PRPF18: variants seen among roughly 807,000 people sequenced by gnomAD.
PRPF18 encodes the protein pre-mRNA-splicing factor 18.
PRPF18 carries 38 observed loss-of-function variants against 46.5 expected under a neutral mutation model. The observed-to-expected ratio is 0.82, with a 90% CI of 0.63 to 1.07. PRPF18 has a LOEUF of 1.07. PRPF18 is among the 50% of genes least tolerant of loss of function. The pLI is 0.00. For synonymous variants in PRPF18, 152 were observed against 146.7 expected (o/e 1.04, Z -0.26); for missense variants, 263 against 410.0 (o/e 0.64, Z 3.10).
At chr10:13,653,017 C>T in the PRPF18 span, 4 of 151,548 alleles carry the variant, frequency 2.6e-5, no homozygotes, top group African/African-American at 9.7e-5. Flanking sequence ...GGGCCAGGCA[C>T]TTAGTTCCTC....
chr10:13,623,984 G>C (rs1427646315), intron 9 of PRPF18, among the ~76,000 whole-genome samples: 1 of 152,082 alleles, frequency 6.6e-6, no homozygotes, highest in Non-Finnish European at 1.5e-5. Flanking sequence ...TCACCAATTA[G>C]ATATTTATTT....
At chr10:13,654,323 C>T in the PRPF18 span, 1 of 861,888 alleles carries the variant, frequency 1.2e-6, no homozygotes, top group Non-Finnish European at 2.0e-6. Flanking sequence ...CCCTCATCAT[C>T]CATTTACTGA....
At chr10:13,601,096 A>C (rs1267228537) in intron 3 of PRPF18, among the ~76,000 whole-genome samples, 1 of 152,182 alleles carries the variant, frequency 6.6e-6, no homozygotes, top group Non-Finnish European at 1.5e-5. Flanking sequence ...GTAATATTTA[A>C]AAAATCATTT....
Position 13,610,177 on chromosome 10 carries a change from G to C in PRPF18, c.502G>C (p.Glu168Gln), listed in dbSNP as rs372960380. ...KVHEENTTIEELEALGESLGK... is the reference protein window; with the variant it reads ...KVHEENTTIEQLEALGESLGK... ...TCATGAGGAAAACACCACAATTGAA[G>C]AGTTAGAGGTAATCTCTACACCAAG... Residue 168 changes from glutamate to glutamine, a missense_variant, in exon 5 of 10, where the codon GAG becomes CAG. Coordinates refer to ENST00000378572, the MANE Select transcript of PRPF18 (RefSeq NM_003675.4). The C allele has an allele frequency of 6.2e-7, 1 of 1,613,832 alleles. No homozygotes were observed. Among genetic ancestry groups the C allele is most frequent in the Non-Finnish European group, 8.5e-7 (1 of 1,179,824 alleles).
intron 6 of PRPF18, 75 bp downstream of exon 6, chr10:13,611,758 G>C (rs535720673): frequency 6.7e-6 from 9 of 1,348,090 alleles, no homozygotes; most frequent in East Asian, 2.3e-5. Context: ...GATTACCAAG[G>C]GTTAAAGGCT....
rs148773062 is a variant in PRPF18 at position 13,613,767 on chromosome 10, A to G, written c.606A>G (p.Glu202=). ...LKFLLGVWAK[E]LNAREDYVKR... ...TTCTTCTTGGCGTTTGGGCTAAAGA[A>G]TTGAATGCCAGAGAAGATTATGTGA... Residue 202 remains glutamate, a synonymous_variant, in exon 7 of 10, where the codon GAA becomes GAG. Transcript: ENST00000378572. The G allele has an allele frequency of 6.2e-7, 1 of 1,613,632 alleles. No homozygotes were observed. The highest frequency in any genetic ancestry group is 1.3e-5 in the African/African-American group (1 of 74,902).
At chr10:13,631,796 TGTG>T (rs1464965637), downstream of PRPF18, 2 of 152,288 alleles carry the variant, frequency 1.3e-5, no homozygotes, top group Non-Finnish European at 2.9e-5. Flanking sequence ...GGGCCGGGGA[TGTG>T]GTGGAAGCTA....
At chr10:13,654,628 G>T in the PRPF18 span, 1 of 670,828 alleles carries the variant, frequency 1.5e-6, no homozygotes, top group Non-Finnish European at 2.6e-6. Context: ...CATTTCCAGG[G>T]ATGCTGGGAA....
the PRPF18 span, chr10:13,642,467 CT>C: frequency 6.6e-6 from 1 of 152,318 alleles, no homozygotes; most frequent in South Asian, 2.1e-4. Flanking sequence ...GTTTGTAATA[CT>C]TTCTACCAGG....
At chr10:13,616,627 A>G in intron 9 of PRPF18, 74 bp downstream of exon 9, 2 of 1,555,784 alleles carry the variant, frequency 1.3e-6, no homozygotes, top group Non-Finnish European at 8.8e-7. Flanking sequence ...AAGTCTGGAA[A>G]GCAGGCAGAG....
intron 9 of PRPF18, among the ~76,000 whole-genome samples, chr10:13,625,279 C>T (rs575265837): frequency 1.3e-5 from 2 of 152,326 alleles, no homozygotes; most frequent in African/African-American, 4.8e-5. Context: ...GATCGTGCCA[C>T]TGCACTCCAG....
intron 9 of PRPF18, among the ~76,000 whole-genome samples, chr10:13,617,060 T>G (rs570459714): frequency 6.6e-6 from 1 of 152,352 alleles, no homozygotes; most frequent in Admixed American, 6.5e-5. Context: ...GATGGTTTGT[T>G]TTCTTCAAGT....
Position 13,602,742 on chromosome 10 carries a change from C to T in PRPF18, c.249+2394C>T, listed in dbSNP as rs7090048. Among the ~76,000 whole-genome samples the T allele has an allele frequency of 4.7e-3, 709 of 152,092 alleles. 5 individuals carry two copies. Among genetic ancestry groups the T allele is most frequent in the African/African-American group, 0.017 (692 of 41,504 alleles). On this transcript the variant is annotated intron_variant, in intron 3 of 9. Coordinates refer to ENST00000378572, the MANE Select transcript of PRPF18 (RefSeq NM_003675.4). Reference sequence around the variant, plus strand: ...CATATTTTAGAATTCTGTTACTTTTCGATTTTTTGAGACAAAGTCTCACTG... The same window carrying T: ...CATATTTTAGAATTCTGTTACTTTTTGATTTTTTGAGACAAAGTCTCACTG...
In PRPF18 at chr10:13,593,809, T is replaced by C. The variant is rs1317256022; in HGVS notation, c.67-3649T>C. Among the ~76,000 whole-genome samples, 5 of 152,262 alleles carry C rather than the reference T, an allele frequency of 3.3e-5. No homozygotes were observed. In the East Asian group the frequency reaches 9.6e-4, roughly 29 times the overall value. ...TTTGGAGGAGTTCCTGACTGGTTGCTTCCATAAAATGAGATGGTTTAGTCA... is the reference window on the plus strand; with the variant it reads ...TTTGGAGGAGTTCCTGACTGGTTGCCTCCATAAAATGAGATGGTTTAGTCA... On this transcript the variant is annotated intron_variant, in intron 1 of 9. Coordinates refer to ENST00000378572, the MANE Select transcript of PRPF18 (RefSeq NM_003675.4).
the PRPF18 span, chr10:13,652,031 C>G: frequency 1.1e-6 from 1 of 902,470 alleles, no homozygotes; most frequent in Non-Finnish European, 1.9e-6. Flanking sequence ...CAGAGAGACA[C>G]TGACACAGAC....
chr10:13,606,919 T>C (rs894336934), intron 4 of PRPF18, among the ~76,000 whole-genome samples: 5 of 152,192 alleles, frequency 3.3e-5, no homozygotes, highest in Non-Finnish European at 7.3e-5. Context: ...ATGCCAGTCA[T>C]TTCCAAACCC....
intron 4 of PRPF18, 28 bp from the exon 5 acceptor site, chr10:13,610,011 G>T: frequency 6.4e-7 from 1 of 1,566,546 alleles, no homozygotes; most frequent in Non-Finnish European, 8.7e-7. Flanking sequence ...TTCATAACAG[G>T]TGTTCTTCCT....
chr10:13,610,221 C>T (rs2080250993), intron 5 of PRPF18, 36 bp downstream of exon 5: 1 of 1,594,440 alleles, frequency 6.3e-7, no homozygotes, highest in African/African-American at 1.3e-5. Context: ...ATCCCTGGCA[C>T]CCTTCTTTTT....
At chr10:13,650,226 G>A in the PRPF18 span, among the ~76,000 whole-genome samples, 21 of 152,258 alleles carry the variant, frequency 1.4e-4, no homozygotes, top group South Asian at 2.1e-4. Context: ...TTTTTTAAAC[G>A]TATAACTAAC....
Sources: allele counts gnomAD v4.1 joint callset (sites outside exome capture counted in the v4.1 genomes callset), GRCh38; gene constraint gnomAD v4.1.1; transcripts MANE v1.5; gene names NCBI Gene and HGNC (gene_info 2026-07-23, HGNC 2026-07-21).